USO1: variants seen among roughly 807,000 people sequenced by gnomAD.
USO1 encodes USO1 vesicle transport factor.
In USO1, 57 loss-of-function variants were observed where a neutral mutation model predicts 124.5. The observed-to-expected ratio is 0.46, with a 90% CI of 0.37 to 0.57. The LOEUF (loss-of-function observed/expected upper bound fraction) is 0.57. USO1 is among the 20% of genes least tolerant of loss of function. The probability of loss-of-function intolerance (pLI) is 0.00; values close to 1 mark genes in which losing one functional copy is unlikely to be tolerated. For missense variants in USO1, 900 were observed against 1,040.6 expected, an observed-to-expected ratio of 0.86 and a Z score of 1.86; for synonymous variants, 369 against 362.8, an observed-to-expected ratio of 1.02 and a Z score of -0.19.
intron 9 of USO1, among the ~76,000 whole-genome samples, chr4:75,784,097 T>C (rs1254359362): frequency 6.6e-6 from 1 of 152,366 alleles, no homozygotes; most frequent in South Asian, 2.1e-4. Context: ...CACAGCTTAT[T>C]GCAGCCTCAA....
In USO1 at chr4:75,810,522, G is replaced by A; in HGVS notation, c.2566G>A (p.Glu856Lys). ...VEGRLSALLQ[E>K]TKELKNEIKA... ...AGGAAGACTGTCAGCATTATTACAAGAGACCAAAGAGTTAAAGGTTTGTTT... is the reference window on the plus strand; with the variant it reads ...AGGAAGACTGTCAGCATTATTACAAAAGACCAAAGAGTTAAAGGTTTGTTT... The change falls in exon 22 of 24, where the codon GAG becomes AAG. Residue 856 changes from glutamate to lysine, a missense_variant. Around this residue, in one of 2 missense-constraint regions of USO1, gnomAD observed 362 missense variants for 359.0 expected, o/e 1.01. Coordinates refer to ENST00000514213, the MANE Select transcript of USO1 (RefSeq NM_003715.4). 1 of 1,611,302 alleles carries A rather than the reference G, an allele frequency of 6.2e-7. No individual in the cohort carries two copies. The highest frequency in any genetic ancestry group is 1.1e-5 in the South Asian group (1 of 90,172).
intron 1 of USO1, among the ~76,000 whole-genome samples, chr4:75,726,567 C>CAAA (rs34164088): frequency 4.2e-5 from 6 of 143,120 alleles, no homozygotes; most frequent in Non-Finnish European, 4.6e-5. Flanking sequence ...GACTCCATCT[C>CAAA]AAAAAAAAAA....
At chr4:75,787,779 T>C (rs1722404589) in intron 10 of USO1, among the ~76,000 whole-genome samples, 1 of 152,202 alleles carries the variant, frequency 6.6e-6, no homozygotes, top group Non-Finnish European at 1.5e-5. Context: ...CACCTCATAA[T>C]TATTTTATGG....
chr4:75,737,311 A>G (rs767230189), intron 1 of USO1, among the ~76,000 whole-genome samples: 1 of 152,252 alleles, frequency 6.6e-6, no homozygotes, highest in Non-Finnish European at 1.5e-5. Context: ...GAGTTAGCAC[A>G]TAGTAATTGG....
chr4:75,775,212 G>C (rs763489583), intron 8 of USO1, among the ~76,000 whole-genome samples: 1 of 152,096 alleles, frequency 6.6e-6, no homozygotes, highest in Non-Finnish European at 1.5e-5. Context: ...AGGAGAGCTA[G>C]TTAATTATTG....
chr4:75,780,568 G>GC (rs1319614406), intron 8 of USO1, among the ~76,000 whole-genome samples: 2 of 148,616 alleles, frequency 1.3e-5, no homozygotes, highest in Middle Eastern at 6.9e-3. Context: ...ACTGTGCCCA[G>GC]CCAATAATAT....
Position 75,742,555 on chromosome 4 carries a change from T to A in USO1, c.67-9818T>A, listed in dbSNP as rs75293293. 4.2e-3 allele frequency among the ~76,000 whole-genome samples: 636 copies of A among 152,370 alleles called. 4 individuals are homozygous for A. Among genetic ancestry groups the A allele is most frequent in the African/African-American group, 0.015 (606 of 41,592 alleles). On this transcript the variant is annotated intron_variant, in intron 1 of 23. Coordinates refer to ENST00000514213, the MANE Select transcript of USO1 (RefSeq NM_003715.4). The stretch of plus-strand genomic sequence containing the variant: ...CTTCACTGTATTTACATATGTGTTA[T>A]TCAGATGGTGAAATTTTGGAAAAGT...
intron 3 of USO1, among the ~76,000 whole-genome samples, chr4:75,753,952 T>C (rs1721360744): frequency 6.6e-6 from 1 of 150,514 alleles, no homozygotes; most frequent in African/African-American, 2.4e-5. Context: ...CACACCTGGC[T>C]AATTTTTTGT....
chr4:75,738,151 A>T (rs1720849902), intron 1 of USO1, among the ~76,000 whole-genome samples: 1 of 151,768 alleles, frequency 6.6e-6, no homozygotes, highest in Non-Finnish European at 1.5e-5. Flanking sequence ...ATTATTTTTT[A>T]AAATTCTATA....
chr4:75,804,817 G>A (rs11097121), intron 18 of USO1, among the ~76,000 whole-genome samples: 21,200 of 152,054 alleles, frequency 0.14, 2,553 homozygotes, highest in African/African-American at 0.32. Flanking sequence ...ATTATCCTAC[G>A]GTGCTTGTGA....
rs967961812 is a variant in USO1, at chr4:75,793,215, T to C, written c.1241-475T>C. Among the ~76,000 whole-genome samples the C allele has an allele frequency of 3.4e-5, 5 of 145,682 alleles. No individual in the cohort carries two copies. In the Admixed American group the frequency reaches 3.5e-4, roughly 10 times the overall value. On this transcript the variant is annotated intron_variant, in intron 12 of 23. Coordinates refer to ENST00000514213, the MANE Select transcript of USO1 (RefSeq NM_003715.4). ...TCTTTTCTCTCTCTCCTTTTTTTTTTTTTTTTTTTTTTTGAAGATAAGGTA... is the reference window on the plus strand; with the variant it reads ...TCTTTTCTCTCTCTCCTTTTTTTTTCTTTTTTTTTTTTTGAAGATAAGGTA...
intron 9 of USO1, 120 bp from the exon 10 acceptor site, chr4:75,786,942 A>C (rs1406305046): frequency 8.2e-7 from 1 of 1,216,484 alleles, no homozygotes; most frequent in Non-Finnish European, 1.1e-6. Context: ...AGAGCACCTA[A>C]ATGTAGCTAA....
intron 13 of USO1, among the ~76,000 whole-genome samples, chr4:75,796,366 C>T (rs1722681365): frequency 3.1e-5 from 1 of 32,112 alleles, no homozygotes; most frequent in Non-Finnish European, 1.2e-4. Flanking sequence ...GACGGAGTCT[C>T]ACTCCGTTGC....
At chr4:75,754,625 T>G (rs1418363318) in intron 3 of USO1, among the ~76,000 whole-genome samples, 2 of 152,206 alleles carry the variant, frequency 1.3e-5, no homozygotes, top group African/African-American at 4.8e-5. Flanking sequence ...TACCCTAAGT[T>G]CATCTCAGTC....
intron 22 of USO1, 105 bp from the exon 23 acceptor site, chr4:75,812,055 G>A (rs1723165417): frequency 6.6e-7 from 1 of 1,505,936 alleles, no homozygotes; most frequent in South Asian, 1.3e-5. Flanking sequence ...AATTCCTTAG[G>A]TTGAACAAGT....
intron 7 of USO1, among the ~76,000 whole-genome samples, chr4:75,773,795 A>G (rs796808903): frequency 5.9e-5 from 9 of 152,162 alleles, no homozygotes; most frequent in South Asian, 2.1e-4. Context: ...AGTCATAGGC[A>G]TTTTTTGTCT....
chr4:75,750,784 A>G (rs1003293001), intron 1 of USO1, among the ~76,000 whole-genome samples: 69 of 152,262 alleles, frequency 4.5e-4, no homozygotes, highest in African/African-American at 1.6e-3. Context: ...TGCCCATTCT[A>G]CATTTTTCTT....
chr4:75,726,133 T>C (rs953750946), intron 1 of USO1, among the ~76,000 whole-genome samples: 1 of 151,934 alleles, frequency 6.6e-6, no homozygotes, highest in Admixed American at 6.6e-5. Context: ...AATACAGAAT[T>C]AGCCGGCCGT....
chr4:75,762,207 T>C (rs565646306), intron 4 of USO1, among the ~76,000 whole-genome samples: 17 of 146,240 alleles, frequency 1.2e-4, no homozygotes, highest in Non-Finnish European at 2.5e-4. Flanking sequence ...AGTCTCACTC[T>C]GTTGCCAGGC....
Sources: gnomAD v4.1 joint callset for allele counts (sites outside exome capture counted in the v4.1 genomes callset) on GRCh38, gnomAD v4.1.1 for gene constraint, gnomAD v4.1.1 regional missense constraint, MANE v1.5 for transcripts, NCBI Gene and HGNC (gene_info 2026-07-23, HGNC 2026-07-21) for gene names.